The following PPM1L variants were observed in gnomAD, a reference collection of about 807,000 sequenced individuals.
PPM1L encodes the protein protein phosphatase 1L.
A neutral mutation model predicts 31.4 loss-of-function variants in PPM1L; 13 were observed. The observed-to-expected ratio is 0.41, with a 90% CI of 0.27 to 0.66. The LOEUF (loss-of-function observed/expected upper bound fraction) is 0.66, where lower values mean the gene tolerates loss of function less well. Among genes scored for constraint, PPM1L ranks in the 30% least tolerant of loss-of-function variants. The pLI is 0.29. For missense variants in PPM1L, 326 were observed against 453.7 expected (o/e 0.72, Z 2.56); for synonymous variants, 184 against 175.4 (o/e 1.05, Z -0.39).
At chr3:160,775,598 C>G (rs370796481) in intron 1 of PPM1L, among the ~76,000 whole-genome samples, 1 of 152,112 alleles carries the variant, frequency 6.6e-6, no homozygotes, top group African/African-American at 2.4e-5. Context: ...ACAGGTAACT[C>G]TATTTCTGGT....
chr3:161,017,350 A>G (rs779441070), intron 2 of PPM1L, among the ~76,000 whole-genome samples: 82 of 152,344 alleles, frequency 5.4e-4, no homozygotes, highest in Non-Finnish European at 5.6e-4. Flanking sequence ...GAAGTGTCAT[A>G]TTTTTGTTTA....
chr3:160,828,444 A>T (rs1284721454), intron 1 of PPM1L, among the ~76,000 whole-genome samples: 3 of 152,124 alleles, frequency 2.0e-5, no homozygotes, highest in Non-Finnish European at 4.4e-5. Context: ...CTTACAATAT[A>T]CCAGGCATTA....
At chr3:160,786,765 T>C (rs1353682551) in intron 1 of PPM1L, among the ~76,000 whole-genome samples, 1 of 152,040 alleles carries the variant, frequency 6.6e-6, no homozygotes, top group African/African-American at 2.4e-5. Context: ...CATCCTCAAA[T>C]AGGCCCTGGT....
At chr3:160,841,009 T>C (rs1202595691) in intron 1 of PPM1L, among the ~76,000 whole-genome samples, 1 of 152,142 alleles carries the variant, frequency 6.6e-6, no homozygotes. Context: ...TCTCTGGGTA[T>C]CCCTTAATCT....
intron 1 of PPM1L, among the ~76,000 whole-genome samples, chr3:160,807,311 C>A (rs1181794327): frequency 6.6e-6 from 1 of 152,172 alleles, no homozygotes; most frequent in African/African-American, 2.4e-5. Flanking sequence ...AGCTATATTG[C>A]TGACAAGTTA....
At chr3:160,782,092 T>C (rs900715076) in intron 1 of PPM1L, among the ~76,000 whole-genome samples, 1 of 152,152 alleles carries the variant, frequency 6.6e-6, no homozygotes, top group Non-Finnish European at 1.5e-5. Flanking sequence ...ATTACCACTG[T>C]CTACTTCTAG....
chr3:161,050,794 TTAAG>T (rs1253367478), intron 2 of PPM1L, among the ~76,000 whole-genome samples: 3 of 152,202 alleles, frequency 2.0e-5, no homozygotes, highest in Non-Finnish European at 2.9e-5. Flanking sequence ...TTTTGCTACT[TTAAG>T]TAATTCTATG....
In PPM1L at chr3:160,887,108, T is replaced by G. The variant is rs368633317; in HGVS notation, c.400-74628T>G. Among the ~76,000 whole-genome samples the G allele has an allele frequency of 1.8e-4, 28 of 151,754 alleles. 1 individual carries two copies. In the South Asian group the frequency reaches 5.8e-3, roughly 32 times the overall value. ...AATCAATCAAGCAGAAGAAAGGATA[T>G]CAGAGTTTTAAGACCATCTTGCTTA... On this transcript the variant is annotated intron_variant, in intron 1 of 3. Transcript: ENST00000498165.
At chr3:160,774,474 T>A (rs749321174) in intron 1 of PPM1L, among the ~76,000 whole-genome samples, 46 of 152,190 alleles carry the variant, frequency 3.0e-4, no homozygotes, top group Non-Finnish European at 2.2e-4. Context: ...ATAAACCAAC[T>A]GGATTATATA....
At chr3:160,958,377 G>A (rs1207797404) in intron 1 of PPM1L, among the ~76,000 whole-genome samples, 1 of 152,044 alleles carries the variant, frequency 6.6e-6, no homozygotes, top group African/African-American at 2.4e-5. Flanking sequence ...TCTGCATATG[G>A]CTAGCCAGGA....
At position 161,066,381 on chromosome 3, in the gene PPM1L, CA is replaced by C. The variant is rs554054984; in HGVS notation, c.736+826del. On this transcript the variant is annotated intron_variant, in intron 3 of 3. Transcript: ENST00000498165. ...GAGGAATGGAGTAAATAGACATTAA[CA>C]AAAAAAAATAGTAAAAGTAAGTCAT... Among the ~76,000 whole-genome samples, 37 of 149,794 alleles carry C rather than the reference CA, an allele frequency of 2.5e-4. No homozygotes were observed. In the South Asian group the frequency reaches 3.8e-3, roughly 16 times the overall value.
At chr3:160,825,334 TA>T (rs1241542970) in intron 1 of PPM1L, among the ~76,000 whole-genome samples, 1 of 152,178 alleles carries the variant, frequency 6.6e-6, no homozygotes, top group East Asian at 1.9e-4. Flanking sequence ...TGATGATTGA[TA>T]AAAATTTTAG....
intron 2 of PPM1L, among the ~76,000 whole-genome samples, chr3:161,059,672 T>G (rs1719514967): frequency 6.6e-6 from 1 of 152,114 alleles, no homozygotes; most frequent in Non-Finnish European, 1.5e-5. Context: ...TTCCCAAATC[T>G]CATGTCAAAT....
chr3:160,832,430 T>TG lies in PPM1L; in HGVS notation c.399+75727dup, dbSNP rs1713549930. Among the ~76,000 whole-genome samples the TG allele has an allele frequency of 3.3e-5, 5 of 152,274 alleles. No homozygotes were observed. In the South Asian group the frequency reaches 1.0e-3, roughly 32 times the overall value. On this transcript the variant is annotated intron_variant, in intron 1 of 3. Transcript: ENST00000498165. ...AGTGCTTGGTATACTCTTGGAGTTA[T>TG]GGGGAATCTACTGTGGCTGGATTTT... is the stretch of plus-strand genomic sequence containing the variant.
chr3:160,932,332 C>A (rs1195936234), intron 1 of PPM1L, among the ~76,000 whole-genome samples: 2 of 152,116 alleles, frequency 1.3e-5, no homozygotes, highest in African/African-American at 4.8e-5. Flanking sequence ...AATTATTTCC[C>A]AAATGCTGCA....
chr3:161,009,808 A>G (rs1297323948), intron 2 of PPM1L, among the ~76,000 whole-genome samples: 1 of 152,156 alleles, frequency 6.6e-6, no homozygotes, highest in Non-Finnish European at 1.5e-5. Context: ...TACAGTTGAA[A>G]TCTTCTGTAC....
intron 1 of PPM1L, among the ~76,000 whole-genome samples, chr3:160,910,540 GCCTCAAGTGATCAGCCCACCTCGGCCTC>G (rs1713936189): frequency 6.6e-6 from 1 of 152,034 alleles, no homozygotes; most frequent in Non-Finnish European, 1.5e-5. Context: ...TGAACTTCTG[GCCTCAAGTGATCAGCCCACCTCGGCCTC>G]CCAAAGTGTT....
intron 1 of PPM1L, among the ~76,000 whole-genome samples, chr3:160,762,173 G>A (rs1560100563): frequency 6.6e-6 from 1 of 152,178 alleles, no homozygotes; most frequent in African/African-American, 2.4e-5. Flanking sequence ...TATAGCTACT[G>A]TTAGTAAATG....
rs1719861508 is a variant in PPM1L, at chr3:161,070,081, G to A, written c.*924G>A. 6.6e-6 allele frequency: 1 copy of A among 152,210 alleles called. No individual in the cohort carries two copies. Among genetic ancestry groups the A allele is most frequent in the Admixed American group, 6.5e-5 (1 of 15,286 alleles). The allele number at this position is 152,210 out of a possible 1,614,324, so 9.4% of individuals were successfully genotyped here. ...AATGAGTCACAGTGTTCCCTGGCAA[G>A]TAAGCTGTTTGCATTGAGAAAGGAG... On this transcript the variant is annotated 3_prime_UTR_variant, in exon 4 of 4. Transcript: ENST00000498165.
Sources: gnomAD v4.1 joint callset for allele counts (sites outside exome capture counted in the v4.1 genomes callset) on GRCh38, gnomAD v4.1.1 for gene constraint, MANE v1.5 for transcripts, NCBI Gene and HGNC (gene_info 2026-07-23, HGNC 2026-07-21) for gene names.